Variants in SOAT1 observed in about 807,000 individuals in gnomAD.
SOAT1 encodes acyl-coenzyme A:cholesterol acyltransferase 1.
Under a neutral mutation model 69.5 loss-of-function variants are expected in SOAT1, and 55 were observed. The observed-to-expected ratio is 0.79, with a 90% CI of 0.64 to 0.99. The LOEUF is 0.99. Among genes scored for constraint, SOAT1 ranks in the 50% least tolerant of loss-of-function variants. The pLI, the probability that SOAT1 is intolerant of heterozygous loss-of-function variation, is 0.00. For synonymous variants in SOAT1, 231 were observed against 224.7 expected (o/e 1.03, Z -0.25); for missense variants, 580 against 669.3 (o/e 0.87, Z 1.47).
At chr1:179,312,161 A>T (rs541097793) in intron 2 of SOAT1, among the ~76,000 whole-genome samples, 2 of 152,204 alleles carry the variant, frequency 1.3e-5, no homozygotes, top group African/African-American at 2.4e-5. Flanking sequence ...AGAGACAAAG[A>T]TTGCATATTT....
At chr1:179,312,832 T>C (rs946371252) in intron 2 of SOAT1, among the ~76,000 whole-genome samples, 2 of 152,248 alleles carry the variant, frequency 1.3e-5, no homozygotes, top group Non-Finnish European at 2.9e-5. Flanking sequence ...ACAGCTTTCC[T>C]GATGTTTATT....
intron 2 of SOAT1, among the ~76,000 whole-genome samples, chr1:179,312,360 G>A (rs1466975474): frequency 2.0e-5 from 3 of 152,128 alleles, no homozygotes; most frequent in Admixed American, 6.6e-5. Flanking sequence ...TAATGACAGA[G>A]GGTTAGTAAG....
intron 2 of SOAT1, 30 bp downstream of exon 2, chr1:179,302,832 AT>A: frequency 8.4e-7 from 1 of 1,195,030 alleles, no homozygotes; most frequent in Non-Finnish European, 1.2e-6. Context: ...TTTTAGGTGA[AT>A]TAGTGAAATA....
intron 7 of SOAT1, 147 bp from the exon 8 acceptor site, chr1:179,341,967 A>G (rs551917519): frequency 2.3e-5 from 22 of 938,570 alleles, no homozygotes; most frequent in African/African-American, 8.4e-5. Flanking sequence ...TCATGTAACT[A>G]TATAATAAAG....
intron 1 of SOAT1, chr1:179,294,180 A>G (rs1035160877): frequency 6.6e-6 from 1 of 152,228 alleles, no homozygotes; most frequent in Non-Finnish European, 1.5e-5. Flanking sequence ...GTGTTCCGCA[A>G]ATCTCGTGGC....
intron 4 of SOAT1, 97 bp downstream of exon 4, chr1:179,335,754 G>A (rs753129429): frequency 2.2e-4 from 265 of 1,196,110 alleles, no homozygotes; most frequent in Non-Finnish European, 2.8e-4. Context: ...TCACACCCTG[G>A]TGTCACTTTC....
chr1:179,308,933 G>A (rs77539799), intron 2 of SOAT1, among the ~76,000 whole-genome samples: 3 of 152,088 alleles, frequency 2.0e-5, no homozygotes, highest in Non-Finnish European at 4.4e-5. Flanking sequence ...TACCTGTGTA[G>A]TATTTCTGCT....
Position 179,300,377 on chromosome 1 carries a change from A to G in SOAT1, c.-8-2300A>G, listed in dbSNP as rs564665575. ...GCTTCCTCTGTCACTTTTACACAGA[A>G]TTGGACCATTGTAAGTTGGGCATCG... On this transcript the variant is annotated intron_variant, in intron 1 of 15. Transcript: ENST00000367619. 2.0e-5 allele frequency among the ~76,000 whole-genome samples: 3 copies of G among 152,316 alleles called. No individual in the cohort carries two copies. The East Asian group carries it at 5.8e-4, about 29-fold the overall frequency.
In SOAT1 at chr1:179,348,760, ATGTGTGTGTGTGTGTGTGTGTG is replaced by A. The variant is rs71111912; in HGVS notation, c.1216-50_1216-29del. On this transcript the variant is annotated intron_variant, in intron 12 of 15. Coordinates refer to ENST00000367619, the MANE Select transcript of SOAT1 (RefSeq NM_003101.6). ...TCAGGGGGGTTTGCTTTCGGGTGGG[ATGTGTGTGTGTGTGTGTGTGTG>A]TGTGTGTGTGTGTGTGTGTGTGTGT... The A allele has an allele frequency of 7.0e-3, 4,183 of 593,616 alleles. 51 individuals are homozygous for A. The highest frequency in any genetic ancestry group is 0.012 in the East Asian group (419 of 36,296). 36.8% of individuals were successfully genotyped at this position (593,616 alleles called of 1,614,324 possible). A position where few individuals can be genotyped will look rare whatever the true frequency, so the allele number is the denominator to read the frequency against.
intron 3 of SOAT1, among the ~76,000 whole-genome samples, chr1:179,332,649 G>A (rs749963289): frequency 1.3e-4 from 20 of 151,978 alleles, no homozygotes; most frequent in Non-Finnish European, 2.8e-4. Context: ...CAGTAGATAC[G>A]AGATTGAAAA....
At chr1:179,342,052 T>C (rs959581563) in intron 7 of SOAT1, 62 bp from the exon 8 acceptor site, 4 of 1,606,032 alleles carry the variant, frequency 2.5e-6, no homozygotes, top group African/African-American at 1.3e-5. Context: ...ATTTGACTAA[T>C]GGAAAGGACA....
chr1:179,299,335 G>T (rs181308192), intron 1 of SOAT1, among the ~76,000 whole-genome samples: 51 of 152,324 alleles, frequency 3.3e-4, no homozygotes, highest in African/African-American at 1.2e-3. Flanking sequence ...ATCTAAGGTT[G>T]TAAAGATTAA....
chr1:179,309,339 C>T (rs1665139894), intron 2 of SOAT1, among the ~76,000 whole-genome samples: 1 of 152,170 alleles, frequency 6.6e-6, no homozygotes, highest in African/African-American at 2.4e-5. Context: ...GCCTCAGCCT[C>T]CCAAAGTGCT....
At chr1:179,338,223 C>CA (rs1384990081) in intron 5 of SOAT1, among the ~76,000 whole-genome samples, 7 of 151,990 alleles carry the variant, frequency 4.6e-5, no homozygotes, top group African/African-American at 1.5e-4. Context: ...TCTCTCTCTA[C>CA]AAAAAATACA....
chr1:179,334,884 G>A (rs892752336), intron 3 of SOAT1, among the ~76,000 whole-genome samples: 7 of 151,820 alleles, frequency 4.6e-5, no homozygotes, highest in Non-Finnish European at 7.4e-5. Context: ...GTGTGGTGGC[G>A]CATGCCTGTA....
chr1:179,334,504 A>T (rs956083841), intron 3 of SOAT1, among the ~76,000 whole-genome samples: 2 of 152,064 alleles, frequency 1.3e-5, no homozygotes, highest in African/African-American at 2.4e-5. Context: ...AACTTTGTGA[A>T]ATTGTGTTGG....
intron 2 of SOAT1, among the ~76,000 whole-genome samples, chr1:179,303,829 T>A (rs1451947389): frequency 6.6e-6 from 1 of 152,246 alleles, no homozygotes; most frequent in East Asian, 1.9e-4. Flanking sequence ...GACTTAGTGA[T>A]AACCCAGTTT....
intron 1 of SOAT1, among the ~76,000 whole-genome samples, chr1:179,298,133 T>TATCTC (rs10672383): frequency 6.7e-6 from 1 of 150,370 alleles, no homozygotes; most frequent in African/African-American, 2.5e-5. Flanking sequence ...TGATCTAACT[T>TATCTC]GAGTGCAATG....
rs146561725 is a variant in SOAT1, at chr1:179,301,596, T to G, written c.-8-1081T>G. ...TAAATTCAGCTTGTTCAACTGCAGG[T>G]GTATTCCTGGTACATGGGTGGAGGA... On this transcript the variant is annotated intron_variant, in intron 1 of 15. Transcript: ENST00000367619. 1.4e-3 allele frequency among the ~76,000 whole-genome samples: 217 copies of G among 152,330 alleles called. 1 individual carries two copies. The highest frequency in any genetic ancestry group is 2.6e-3 in the Non-Finnish European group (175 of 68,022).
Sources: gnomAD v4.1 joint callset for allele counts (sites outside exome capture counted in the v4.1 genomes callset) on GRCh38, gnomAD v4.1.1 for gene constraint, MANE v1.5 for transcripts, NCBI Gene and HGNC (gene_info 2026-07-23, HGNC 2026-07-21) for gene names.